The following MYO10 variants were observed in gnomAD, a reference collection of about 807,000 sequenced individuals.
MYO10 encodes the protein unconventional myosin-X.
Under a neutral mutation model 257.3 loss-of-function variants are expected in MYO10, and 133 were observed. The ratio of observed to expected loss-of-function variants is 0.52; its 90% confidence interval spans 0.45 to 0.60. The LOEUF is 0.60. Ranked by LOEUF, MYO10 falls within the 20% of genes least tolerant of loss-of-function variation. MYO10 has a pLI of 0.00. For missense variants in MYO10, 2,399 were observed against 2,635.7 expected, an observed-to-expected ratio of 0.91 and a Z score of 1.97; for synonymous variants, 1,104 against 1,028.6, an observed-to-expected ratio of 1.07 and a Z score of -1.40.
At chr5:16,760,552 T>A (rs1327748807) in intron 17 of MYO10, among the ~76,000 whole-genome samples, 1 of 152,116 alleles carries the variant, frequency 6.6e-6, no homozygotes, top group Non-Finnish European at 1.5e-5. Context: ...TTCTGTGTGT[T>A]TTCTTTATTG....
Position 16,769,420 on chromosome 5 carries a change from C to T in MYO10, c.931-217G>A, listed in dbSNP as rs546952390. Among the ~76,000 whole-genome samples, 50 of 152,248 alleles carry T rather than the reference C, an allele frequency of 3.3e-4. No homozygotes were observed. In the East Asian group the frequency reaches 5.2e-3, roughly 16 times the overall value. On this transcript the variant is annotated intron_variant, in intron 9 of 40. Transcript: ENST00000513610. The stretch of plus-strand genomic sequence containing the variant: ...CACGATCTTGGCTCACTGCAACCTC[C>T]GCCTCCTGGGTTCAAGCAATTCTCG...
At chr5:16,900,520 C>T (rs1745347119) in intron 1 of MYO10, among the ~76,000 whole-genome samples, 1 of 152,100 alleles carries the variant, frequency 6.6e-6, no homozygotes, top group Non-Finnish European at 1.5e-5. Context: ...CCACCACCTC[C>T]CAGCAGGGAG....
intron 19 of MYO10, among the ~76,000 whole-genome samples, chr5:16,731,713 C>T (rs750213226): frequency 2.0e-5 from 3 of 152,202 alleles, no homozygotes; most frequent in Non-Finnish European, 2.9e-5. Flanking sequence ...AAAGCGTGGA[C>T]ATTACCCAAG....
chr5:16,695,169 A>G (rs1737684696), intron 26 of MYO10, among the ~76,000 whole-genome samples: 4 of 152,118 alleles, frequency 2.6e-5, no homozygotes, highest in Admixed American at 2.6e-4. Flanking sequence ...CCCTGTCTCT[A>G]CTAAAAATAC....
At chr5:16,729,744 T>G (rs1739510643) in intron 19 of MYO10, among the ~76,000 whole-genome samples, 1 of 152,096 alleles carries the variant, frequency 6.6e-6, no homozygotes, top group African/African-American at 2.4e-5. Flanking sequence ...GCACCCAGCC[T>G]AAAGTTTTAT....
In MYO10 at chr5:16,680,094, G is replaced by A. The variant is rs185852742; in HGVS notation, c.4395C>T (p.Asn1465=). 1.0e-3 allele frequency: 1,654 copies of A among 1,610,826 alleles called. 1 individual carries two copies. Among genetic ancestry groups the A allele is most frequent in the Non-Finnish European group, 1.3e-3 (1,583 of 1,177,532 alleles). Residue 1465 remains asparagine (N), a synonymous_variant, in exon 33 of 41, where the codon AAC becomes AAT. Coordinates refer to ENST00000513610, the MANE Select transcript of MYO10 (RefSeq NM_012334.3). ...AGTGCTTGCGCCCGTACACGGTGAC[G>A]TTCCAGTAGCCTGCAATGGCAGGGG... The part of the protein sequence containing the change: ...EKIFKETGYW[N]VTVYGRKHCY...
intron 9 of MYO10, among the ~76,000 whole-genome samples, chr5:16,777,838 A>ATTT (rs1553995171): frequency 2.1e-5 from 2 of 94,950 alleles, no homozygotes; most frequent in African/African-American, 1.1e-4. Flanking sequence ...ATTGCATCTA[A>ATTT]CTTTTTTTTT....
chr5:16,882,322 A>G (rs751267296), intron 1 of MYO10, among the ~76,000 whole-genome samples: 3 of 152,226 alleles, frequency 2.0e-5, no homozygotes, highest in Non-Finnish European at 4.4e-5. Flanking sequence ...GAGAATGTAA[A>G]ATGGTACATC....
chr5:16,818,408 G>GTATATATATATATCCGTACATATA (rs1561000890), intron 2 of MYO10, among the ~76,000 whole-genome samples: 1 of 93,474 alleles, frequency 1.1e-5, no homozygotes, highest in African/African-American at 4.1e-5. Flanking sequence ...GTGTGTGTGT[G>GTATATATATATATCCGTACATATA]TGTATATATA....
chr5:16,689,463 C>T (rs1161615392), intron 28 of MYO10, among the ~76,000 whole-genome samples: 1 of 152,016 alleles, frequency 6.6e-6, no homozygotes, highest in Non-Finnish European at 1.5e-5. Context: ...CTTATGCAAA[C>T]ACAAATGATT....
At chr5:16,768,399 G>C (rs1579969061) in intron 10 of MYO10, among the ~76,000 whole-genome samples, 1 of 152,012 alleles carries the variant, frequency 6.6e-6, no homozygotes, top group African/African-American at 2.4e-5. Flanking sequence ...GCAAAACAAA[G>C]GGACTTAATT....
chr5:16,919,936 C>T (rs373572838), intron 1 of MYO10, among the ~76,000 whole-genome samples: 1 of 152,196 alleles, frequency 6.6e-6, no homozygotes, highest in African/African-American at 2.4e-5. Flanking sequence ...CATGGTGAAA[C>T]CCCGTCTCTA....
At chr5:16,762,483 T>C (rs191842640) in intron 15 of MYO10, 62 bp downstream of exon 15, 16 of 1,322,262 alleles carry the variant, frequency 1.2e-5, no homozygotes, top group African/African-American at 2.9e-5. Context: ...ATGTCTGGTG[T>C]GTAATCCCAA....
chr5:16,760,987 ATTT>A (rs1309678688), intron 17 of MYO10, among the ~76,000 whole-genome samples: 4 of 149,022 alleles, frequency 2.7e-5, no homozygotes, highest in African/African-American at 1.0e-4. Flanking sequence ...TTATTAATTT[ATTT>A]ATTTATTTAT....
At chr5:16,741,197 C>T (rs1178720962) in intron 19 of MYO10, among the ~76,000 whole-genome samples, 1 of 152,144 alleles carries the variant, frequency 6.6e-6, no homozygotes, top group Non-Finnish European at 1.5e-5. Context: ...TAAAGGGAAT[C>T]CCAACAGAAT....
chr5:16,672,611 T>C (rs755265574), intron 37 of MYO10, 78 bp downstream of exon 37: 22 of 1,542,782 alleles, frequency 1.4e-5, no homozygotes, highest in Non-Finnish European at 1.8e-5. Context: ...ACAAATGGAA[T>C]GGGAAGCTCA....
At chr5:16,779,728 T>C in intron 8 of MYO10, 80 bp from the exon 9 acceptor site, 4 of 745,846 alleles carry the variant, frequency 5.4e-6, no homozygotes, top group Non-Finnish European at 9.0e-6. Context: ...CTTTTTAAAG[T>C]ATATATATAT....
At chr5:16,770,891 C>T (rs1741028540) in intron 9 of MYO10, among the ~76,000 whole-genome samples, 1 of 152,192 alleles carries the variant, frequency 6.6e-6, no homozygotes, top group East Asian at 1.9e-4. Context: ...GCTTTAGCCT[C>T]CTAAGTAGCA....
intron 2 of MYO10, among the ~76,000 whole-genome samples, chr5:16,822,865 T>C (rs1226393455): frequency 6.6e-6 from 1 of 151,796 alleles, no homozygotes; most frequent in Non-Finnish European, 1.5e-5. Context: ...TTTTTTGTAT[T>C]TTTAGTAGAG....
Sources: allele counts gnomAD v4.1 joint callset (sites outside exome capture counted in the v4.1 genomes callset), GRCh38; gene constraint gnomAD v4.1.1; transcripts MANE v1.5; gene names NCBI Gene and HGNC (gene_info 2026-07-23, HGNC 2026-07-21).